ST6GALNAC5: variants seen among roughly 807,000 people sequenced by gnomAD.
The protein encoded by ST6GALNAC5 is ST6 N-acetylgalactosaminide alpha-2,6-sialyltransferase 5.
In ST6GALNAC5, 27 loss-of-function variants were observed where a neutral mutation model predicts 33.6. The ratio of observed to expected loss-of-function variants is 0.80; its 90% CI spans 0.59 to 1.11. The LOEUF is 1.11. ST6GALNAC5 is among the 50% of genes least tolerant of loss of function. ST6GALNAC5 has a pLI of 0.00. For synonymous variants in ST6GALNAC5, 194 were observed against 171.2 expected (o/e 1.13, Z -1.04); for missense variants, 428 against 454.0 (o/e 0.94, Z 0.52).
intron 2 of ST6GALNAC5, among the ~76,000 whole-genome samples, chr1:76,980,565 C>T (rs1490406611): frequency 6.6e-6 from 1 of 152,102 alleles, no homozygotes; most frequent in East Asian, 1.9e-4. Context: ...ACTAATTTTT[C>T]CTACTGGATG....
At chr1:76,909,739 CTT>C (rs1414746023) in intron 2 of ST6GALNAC5, among the ~76,000 whole-genome samples, 1 of 151,890 alleles carries the variant, frequency 6.6e-6, no homozygotes, top group East Asian at 1.9e-4. Flanking sequence ...CATAATTTGT[CTT>C]ATGAATATTT....
At chr1:77,036,202 G>A (rs187492112) in intron 2 of ST6GALNAC5, among the ~76,000 whole-genome samples, 94 of 152,258 alleles carry the variant, frequency 6.2e-4, no homozygotes, top group Admixed American at 2.4e-3. Context: ...TATGCGAAAT[G>A]TCCAGAAAAG....
intron 2 of ST6GALNAC5, among the ~76,000 whole-genome samples, chr1:77,018,041 A>G (rs987439132): frequency 5.9e-5 from 9 of 152,178 alleles, no homozygotes; most frequent in African/African-American, 2.2e-4. Context: ...GAAATCCATC[A>G]GAGATCCTTC....
intron 2 of ST6GALNAC5, among the ~76,000 whole-genome samples, chr1:76,996,328 A>G (rs762476688): frequency 1.3e-5 from 2 of 152,212 alleles, no homozygotes; most frequent in African/African-American, 2.4e-5. Context: ...CCCTCACAAC[A>G]GAGATGTATT....
At chr1:76,989,141 C>A (rs986872272) in intron 2 of ST6GALNAC5, among the ~76,000 whole-genome samples, 6 of 152,118 alleles carry the variant, frequency 3.9e-5, no homozygotes, top group Admixed American at 1.3e-4. Context: ...TGGGATATGT[C>A]TCATTGGTCA....
intron 2 of ST6GALNAC5, among the ~76,000 whole-genome samples, chr1:76,874,980 A>AC (rs1362447929): frequency 6.6e-6 from 1 of 152,240 alleles, no homozygotes; most frequent in Non-Finnish European, 1.5e-5. Context: ...AAATACTATT[A>AC]CAAAAAGTTA....
intron 2 of ST6GALNAC5, among the ~76,000 whole-genome samples, chr1:76,986,149 C>T (rs1649485525): frequency 6.6e-6 from 1 of 151,236 alleles, no homozygotes; most frequent in African/African-American, 2.4e-5. Context: ...AAGCCAAAAG[C>T]CAAAATAGAC....
chr1:76,994,198 C>A (rs2100399986), intron 2 of ST6GALNAC5, among the ~76,000 whole-genome samples: 1 of 152,158 alleles, frequency 6.6e-6, no homozygotes, highest in African/African-American at 2.4e-5. Flanking sequence ...TGATTGACAC[C>A]AAAAGCCTTC....
intron 2 of ST6GALNAC5, among the ~76,000 whole-genome samples, chr1:76,901,229 G>T (rs1367725172): frequency 6.6e-6 from 1 of 152,206 alleles, no homozygotes; most frequent in African/African-American, 2.4e-5. Context: ...GATACATTGT[G>T]CTTCCTTAGT....
chr1:76,997,435 A>T (rs1419330997), intron 2 of ST6GALNAC5, among the ~76,000 whole-genome samples: 2 of 152,178 alleles, frequency 1.3e-5, no homozygotes, highest in Non-Finnish European at 2.9e-5. Context: ...AATCAAAATG[A>T]CCTGAAAAAC....
chr1:76,982,074 T>A (rs1184810141), intron 2 of ST6GALNAC5, among the ~76,000 whole-genome samples: 3 of 152,118 alleles, frequency 2.0e-5, no homozygotes, highest in Non-Finnish European at 4.4e-5. Flanking sequence ...GCAGAAAAGC[T>A]GAAAATTCTG....
At position 77,044,506 on chromosome 1, in the gene ST6GALNAC5, C is replaced by T. The variant is rs774280846; in HGVS notation, c.564C>T (p.Asn188=). ...ACGGCAAGGGCCAGGTCTACAACAACCTGCATCTCCTGAGCCAGGTGCTGC... is the reference window on the plus strand; with the variant it reads ...ACGGCAAGGGCCAGGTCTACAACAATCTGCATCTCCTGAGCCAGGTGCTGC... ...RRDGKGQVYN[N]LHLLSQVLPR... The change falls in exon 3 of 5, where the codon AAC becomes AAT. Residue 188 remains asparagine, a synonymous_variant. Transcript: ENST00000477717. The T allele has an allele frequency of 3.7e-6, 6 of 1,612,616 alleles. No individual in the cohort carries two copies. The highest frequency in any genetic ancestry group is 2.7e-5 in the African/African-American group (2 of 74,874).
At chr1:77,020,896 G>A (rs1651026922) in intron 2 of ST6GALNAC5, among the ~76,000 whole-genome samples, 1 of 152,190 alleles carries the variant, frequency 6.6e-6, no homozygotes, top group Admixed American at 6.5e-5. Context: ...CTATAGGCAG[G>A]AACACCTACA....
At chr1:76,959,034 G>T (rs1292898912) in intron 2 of ST6GALNAC5, among the ~76,000 whole-genome samples, 2 of 152,160 alleles carry the variant, frequency 1.3e-5, no homozygotes, top group Non-Finnish European at 2.9e-5. Context: ...GCATTCACCG[G>T]CTGACTTTCG....
chr1:77,020,629 G>A (rs2100435785), intron 2 of ST6GALNAC5, among the ~76,000 whole-genome samples: 2 of 152,170 alleles, frequency 1.3e-5, no homozygotes, highest in South Asian at 4.1e-4. Flanking sequence ...TTGAGCTCCT[G>A]GACTCAAGAA....
intron 2 of ST6GALNAC5, among the ~76,000 whole-genome samples, chr1:77,029,192 C>A (rs751882535): frequency 3.9e-5 from 6 of 152,326 alleles, no homozygotes; most frequent in Non-Finnish European, 8.8e-5. Context: ...GACTCCTGCA[C>A]TCTAGCCACT....
chr1:76,907,749 T>C (rs1646877824), intron 2 of ST6GALNAC5, among the ~76,000 whole-genome samples: 1 of 152,084 alleles, frequency 6.6e-6, no homozygotes, highest in Non-Finnish European at 1.5e-5. Context: ...GTCTTATAAG[T>C]GGCGCTGTGA....
intron 2 of ST6GALNAC5, among the ~76,000 whole-genome samples, chr1:76,928,651 C>T (rs1647108305): frequency 6.6e-6 from 1 of 152,064 alleles, no homozygotes; most frequent in Admixed American, 6.6e-5. Context: ...AGAAGGGTGC[C>T]TTATTTTGCA....
intron 2 of ST6GALNAC5, among the ~76,000 whole-genome samples, chr1:77,022,823 C>T (rs1397477224): frequency 6.6e-6 from 1 of 152,066 alleles, no homozygotes; most frequent in Non-Finnish European, 1.5e-5. Flanking sequence ...CATCTCAGAC[C>T]CCTCCTGTCT....
Sources: allele counts gnomAD v4.1 joint callset (sites outside exome capture counted in the v4.1 genomes callset), GRCh38; gene constraint gnomAD v4.1.1; transcripts MANE v1.5; gene names NCBI Gene and HGNC (gene_info 2026-07-23, HGNC 2026-07-21).